Variants in CELSR1 observed in about 807,000 individuals in gnomAD.
CELSR1 encodes cadherin EGF LAG seven-pass G-type receptor 1.
Under a neutral mutation model 249.1 loss-of-function variants are expected in CELSR1, and 110 were observed. That is an observed-to-expected ratio of 0.44 (90% CI 0.38 to 0.52). CELSR1 has a LOEUF of 0.52. Among genes scored for constraint, CELSR1 ranks in the 20% least tolerant of loss-of-function variants. The probability of loss-of-function intolerance (pLI) is 0.00; values close to 1 mark genes in which losing one functional copy is unlikely to be tolerated. For missense variants in CELSR1, 4,109 were observed against 4,296.4 expected, an observed-to-expected ratio of 0.96 and a Z score of 1.22; for synonymous variants, 2,113 against 1,900.0, an observed-to-expected ratio of 1.11 and a Z score of -2.92.
rs896787596 is a variant in CELSR1, at chr22:46,436,984, A to C, written c.4407-695T>G. The stretch of plus-strand genomic sequence containing the variant: ...CTGACTCATTGGTTTATAAGAATGT[A>C]TGATCCATAAGGGGAGGAACCGCAG... On this transcript the variant is annotated intron_variant, in intron 3 of 34. Coordinates refer to ENST00000674500, the MANE Select transcript of CELSR1 (RefSeq NM_001378328.1). This position sits in a 1 kb window ranked among gnomAD's most constrained non-coding sequence, Gnocchi z 5.9. Among the ~76,000 whole-genome samples the C allele has an allele frequency of 6.6e-6, 1 of 152,200 alleles. No homozygotes were observed. The highest frequency in any genetic ancestry group is 1.5e-5 in the Non-Finnish European group (1 of 68,030).
intron 2 of CELSR1, among the ~76,000 whole-genome samples, chr22:46,453,613 C>T (rs927899875): frequency 6.6e-6 from 1 of 152,188 alleles, no homozygotes; most frequent in African/African-American, 2.4e-5. Context: ...GCGGCTTTGT[C>T]TGTCCACACC....
Position 46,506,140 on chromosome 22 carries a change from T to C in CELSR1, c.3544+27487A>G, listed in dbSNP as rs1027500482. On this transcript the variant is annotated intron_variant, in intron 1 of 34. Coordinates refer to ENST00000674500, the MANE Select transcript of CELSR1 (RefSeq NM_001378328.1). This position sits in a 1 kb window ranked among gnomAD's most constrained non-coding sequence, Gnocchi z 4.1. ...GTTGCAGTGAGCTGAGATCACACCA[T>C]TGCAGTCCAGCCTGGGCGACAGAGA... is the stretch of plus-strand genomic sequence containing the variant. 2.3e-4 allele frequency among the ~76,000 whole-genome samples: 34 copies of C among 147,214 alleles called. No individual in the cohort carries two copies. Among genetic ancestry groups the C allele is most frequent in the Admixed American group, 5.5e-4 (8 of 14,636 alleles).
chr22:46,466,328 G>A (rs1018597997), intron 1 of CELSR1, among the ~76,000 whole-genome samples: 1 of 152,214 alleles, frequency 6.6e-6, no homozygotes, highest in Admixed American at 6.5e-5. Context: ...TGAGACGGCT[G>A]GGTCCCACAG....
At chr22:46,404,018 A>G (rs924654963) in intron 9 of CELSR1, among the ~76,000 whole-genome samples, 6 of 151,634 alleles carry the variant, frequency 4.0e-5, no homozygotes, top group African/African-American at 1.5e-4. Flanking sequence ...AACTGACTAG[A>G]TCTGGGCTGT....
At position 46,390,359 on chromosome 22, in the gene CELSR1, C is replaced by T; in HGVS notation, c.6345+33G>A. ...ACGCATACACGAACACACACGTGCC[C>T]CTGCTGAACACACATCCCCGAGGCG... is the stretch of plus-strand genomic sequence containing the variant. On this transcript the variant is annotated intron_variant, in intron 17 of 34. Coordinates refer to ENST00000674500, the MANE Select transcript of CELSR1 (RefSeq NM_001378328.1). The surrounding 1 kb of genome is among the most constrained non-coding windows in gnomAD (Gnocchi z 6.3). The T allele has an allele frequency of 1.3e-6, 2 of 1,542,604 alleles. No individual in the cohort carries two copies. Among genetic ancestry groups the T allele is most frequent in the South Asian group, 1.1e-5 (1 of 87,294 alleles).
rs754025805 is a variant in CELSR1, at chr22:46,391,863, G to C, written c.5965-47C>G. 32 of 1,568,302 alleles carry C rather than the reference G, an allele frequency of 2.0e-5. No individual in the cohort carries two copies. The highest frequency in any genetic ancestry group is 1.7e-4 in the Middle Eastern group (1 of 5,890). ...CCTGTGACTTCAGATGCCCGGGAGA[G>C]GCCCTACCTTGCAGCGTGTTTCCCG... On this transcript the variant is annotated intron_variant, in intron 14 of 34. Transcript: ENST00000674500. This position sits in a 1 kb window ranked among gnomAD's most constrained non-coding sequence, Gnocchi z 4.3.
At chr22:46,388,222 G>A (rs564450208) in intron 18 of CELSR1, among the ~76,000 whole-genome samples, 9 of 152,202 alleles carry the variant, frequency 5.9e-5, no homozygotes, top group African/African-American at 1.9e-4. Context: ...GGTGGCGGGC[G>A]CCTGTAATCC....
At chr22:46,364,906 A>C (rs949668296) in intron 32 of CELSR1, among the ~76,000 whole-genome samples, 170 bp from the exon 33 acceptor site, 3 of 152,336 alleles carry the variant, frequency 2.0e-5, no homozygotes, top group Admixed American at 6.5e-5. Context: ...TCCTGGCAGC[A>C]GGGCCCTTGT....
rs192638049 is a variant in CELSR1 at position 46,428,946 on chromosome 22, T to G, written c.4611+4447A>C. Among the ~76,000 whole-genome samples the G allele has an allele frequency of 2.4e-4, 36 of 152,208 alleles. No homozygotes were observed. Among genetic ancestry groups the G allele is most frequent in the African/African-American group, 7.7e-4 (32 of 41,548 alleles). The stretch of plus-strand genomic sequence containing the variant: ...GGCTTTAGAAGATGCCCAGGTCAGG[T>G]GGACACGAGCCACCCTTGCTTCCCC... On this transcript the variant is annotated intron_variant, in intron 5 of 34. Coordinates refer to ENST00000674500, the MANE Select transcript of CELSR1 (RefSeq NM_001378328.1). This position sits in a 1 kb window ranked among gnomAD's most constrained non-coding sequence, Gnocchi z 5.7.
Position 46,537,185 on chromosome 22 carries a change from G to A in CELSR1, c.-15C>T. On this transcript the variant is annotated 5_prime_UTR_variant, in exon 1 of 35. Coordinates refer to ENST00000674500, the MANE Select transcript of CELSR1 (RefSeq NM_001378328.1). This position sits in a 1 kb window ranked among gnomAD's most constrained non-coding sequence, Gnocchi z 5.8. ...GGCGGCGCCATGGCCCGGAGCCCGA[G>A]CCCGAGCCGGGCGCCCGAACACAAT... is the stretch of plus-strand genomic sequence containing the variant. The A allele has an allele frequency of 9.8e-7, 1 of 1,016,014 alleles. No homozygotes were observed. The allele number at this position is 1,016,014 out of a possible 1,614,324, so 62.9% of individuals were successfully genotyped here.
Position 46,363,201 on chromosome 22 carries a change from T to C in CELSR1, c.*22A>G, listed in dbSNP as rs2078725285. On this transcript the variant is annotated 3_prime_UTR_variant, in exon 35 of 35. Coordinates refer to ENST00000674500, the MANE Select transcript of CELSR1 (RefSeq NM_001378328.1). The surrounding 1 kb of genome is among the most constrained non-coding windows in gnomAD (Gnocchi z 4.3). The stretch of plus-strand genomic sequence containing the variant: ...CCTCACGGTTTCCTGATGGTTCAAA[T>C]TGAAGTTTCATTACTGATGGTTCAA... 3 of 1,579,124 alleles carry C rather than the reference T, an allele frequency of 1.9e-6. No homozygotes were observed. The highest frequency in any genetic ancestry group is 2.5e-6 in the Non-Finnish European group (3 of 1,177,514).
rs1348089442 is a variant in CELSR1, at chr22:46,433,327, G to A, written c.4611+66C>T. The A allele has an allele frequency of 1.0e-5, 13 of 1,258,986 alleles. No individual in the cohort carries two copies. The highest frequency in any genetic ancestry group is 5.0e-5 in the South Asian group (4 of 79,730). 78.0% of individuals were successfully genotyped at this position (1,258,986 alleles called of 1,614,324 possible). ...TGGGATTACAGGCGTGAGCCACTGC[G>A]CCTCGCCCCAGGGCACCTTCTCGAG... On this transcript the variant is annotated intron_variant, in intron 5 of 34. Transcript: ENST00000674500. This position sits in a 1 kb window ranked among gnomAD's most constrained non-coding sequence, Gnocchi z 5.7.
In CELSR1 at chr22:46,363,868, G is replaced by A. The variant is rs2078733650; in HGVS notation, c.9035+128C>T. The A allele has an allele frequency of 7.8e-7, 1 of 1,279,822 alleles. No homozygotes were observed. The highest frequency in any genetic ancestry group is 1.5e-5 in the African/African-American group (1 of 65,894). The allele number at this position is 1,279,822 out of a possible 1,614,324, so 79.3% of individuals were successfully genotyped here. On this transcript the variant is annotated intron_variant, in intron 34 of 34. Transcript: ENST00000674500. This position sits in a 1 kb window ranked among gnomAD's most constrained non-coding sequence, Gnocchi z 4.3. ...CCTCCCCCCTCCCCCATCCCCGCCT[G>A]GGCTTCCTCTGCACTCAGGGCTCCA...
chr22:46,421,297 T>C (rs1038493056), intron 5 of CELSR1, among the ~76,000 whole-genome samples: 1 of 148,210 alleles, frequency 6.7e-6, no homozygotes, highest in Non-Finnish European at 1.5e-5. Flanking sequence ...CAGTGAGGGG[T>C]TGGGTGGGGT....
Position 46,448,164 on chromosome 22 carries a change from G to A in CELSR1, c.4184-8753C>T, listed in dbSNP as rs2079842013. On this transcript the variant is annotated intron_variant, in intron 2 of 34. Coordinates refer to ENST00000674500, the MANE Select transcript of CELSR1 (RefSeq NM_001378328.1). This position sits in a 1 kb window ranked among gnomAD's most constrained non-coding sequence, Gnocchi z 5.7. ...GGCTTACCTGCTGCAGGCGGGGGCT[G>A]GGTGCTGGGTGTGCTCCTGGTCTGT... Among the ~76,000 whole-genome samples the A allele has an allele frequency of 6.6e-6, 1 of 152,234 alleles. No homozygotes were observed. The highest frequency in any genetic ancestry group is 1.5e-5 in the Non-Finnish European group (1 of 68,040).
chr22:46,497,969 C>A (rs1569203159), intron 1 of CELSR1, among the ~76,000 whole-genome samples: 1 of 151,124 alleles, frequency 6.6e-6, no homozygotes, highest in African/African-American at 2.4e-5. Flanking sequence ...TCTGGTGGGG[C>A]CAGGCACGGT....
rs9615999 is a variant in CELSR1, at chr22:46,420,961, C to T, written c.4612-9202G>A. The stretch of plus-strand genomic sequence containing the variant: ...CACGGCAGGAAAACGCGACAGCCCT[C>T]GGATGGCACGTCCCAGAGCAGCGGA... On this transcript the variant is annotated intron_variant, in intron 5 of 34. Transcript: ENST00000674500. Among the ~76,000 whole-genome samples, 5 of 151,862 alleles carry T rather than the reference C, an allele frequency of 3.3e-5. No individual in the cohort carries two copies. In the East Asian group the frequency reaches 7.7e-4, roughly 24 times the overall value.
intron 24 of CELSR1, among the ~76,000 whole-genome samples, chr22:46,376,642 G>A (rs1418642429): frequency 6.6e-6 from 1 of 152,140 alleles, no homozygotes; most frequent in Non-Finnish European, 1.5e-5. Context: ...AGGGATCCTG[G>A]TGGGATTACA....
chr22:46,490,940 C>G lies in CELSR1; in HGVS notation c.3545-26595G>C, dbSNP rs143379019. 1.5e-3 allele frequency among the ~76,000 whole-genome samples: 233 copies of G among 152,252 alleles called. 1 individual carries two copies. Among genetic ancestry groups the G allele is most frequent in the African/African-American group, 5.2e-3 (218 of 41,532 alleles). ...AGGTCCAGTGACTTGCCCAAGGCCA[C>G]CTGAGGGCTGCCTCTGCACCCACAG... On this transcript the variant is annotated intron_variant, in intron 1 of 34. Coordinates refer to ENST00000674500, the MANE Select transcript of CELSR1 (RefSeq NM_001378328.1). This position sits in a 1 kb window ranked among gnomAD's most constrained non-coding sequence, Gnocchi z 5.2.
Sources: allele counts gnomAD v4.1 joint callset (sites outside exome capture counted in the v4.1 genomes callset), GRCh38; gene constraint gnomAD v4.1.1; non-coding constraint Gnocchi (gnomAD v3.1); transcripts MANE v1.5; gene names NCBI Gene and HGNC (gene_info 2026-07-23, HGNC 2026-07-21).